The following BRINP3 variants were observed in gnomAD, a reference collection of about 807,000 sequenced individuals.
The protein encoded by BRINP3 is BMP/retinoic acid-inducible neural-specific protein 3.
BRINP3 carries 19 observed loss-of-function variants against 71.0 expected under a neutral mutation model. That is an observed-to-expected ratio of 0.27 (90% CI 0.19 to 0.39). BRINP3 has a LOEUF of 0.39. Among genes scored for constraint, BRINP3 ranks in the 10% least tolerant of loss-of-function variants. BRINP3 has a pLI of 1.00. For synonymous variants in BRINP3, 380 were observed against 337.7 expected (o/e 1.13, Z -1.37); for missense variants, 959 against 940.8 (o/e 1.02, Z -0.25).
chr1:190,322,335 A>G (rs1666299156), intron 2 of BRINP3, among the ~76,000 whole-genome samples: 1 of 152,078 alleles, frequency 6.6e-6, no homozygotes, highest in Non-Finnish European at 1.5e-5. Flanking sequence ...CAAAAATATT[A>G]CAAGGCCTGA....
intron 7 of BRINP3, among the ~76,000 whole-genome samples, chr1:190,129,004 G>A (rs1654312858): frequency 6.6e-6 from 1 of 151,646 alleles, no homozygotes; most frequent in African/African-American, 2.4e-5. Flanking sequence ...ATACTTGAAA[G>A]TTCTGATTTG....
intron 4 of BRINP3, among the ~76,000 whole-genome samples, chr1:190,242,915 T>C (rs2102777283): frequency 6.6e-6 from 1 of 152,078 alleles, no homozygotes; most frequent in South Asian, 2.1e-4. Context: ...TCTTGAAGAG[T>C]AATTGCTTCA....
chr1:190,175,668 A>G (rs1045693318), intron 6 of BRINP3, among the ~76,000 whole-genome samples: 1 of 152,206 alleles, frequency 6.6e-6, no homozygotes, highest in Non-Finnish European at 1.5e-5. Context: ...AGAATTAATT[A>G]CTATATAGGT....
chr1:190,246,475 T>C (rs1181995501), intron 4 of BRINP3, among the ~76,000 whole-genome samples: 1 of 151,942 alleles, frequency 6.6e-6, no homozygotes, highest in African/African-American at 2.4e-5. Flanking sequence ...CAGGTGATTG[T>C]TAGCTCACTT....
At chr1:190,440,861 C>T (rs1674769825) in intron 2 of BRINP3, among the ~76,000 whole-genome samples, 1 of 151,874 alleles carries the variant, frequency 6.6e-6, no homozygotes, top group African/African-American at 2.4e-5. Flanking sequence ...CCTAAGTAAA[C>T]ATTTGCAAAG....
chr1:190,427,487 T>G (rs979882110), intron 2 of BRINP3, among the ~76,000 whole-genome samples: 1 of 152,020 alleles, frequency 6.6e-6, no homozygotes, highest in African/African-American at 2.4e-5. Context: ...TAAATCACAT[T>G]TCTGAAACAA....
chr1:190,466,543 T>G (rs1037756902), intron 1 of BRINP3, among the ~76,000 whole-genome samples: 1 of 151,814 alleles, frequency 6.6e-6, no homozygotes, highest in African/African-American at 2.4e-5. Context: ...TTTCAGAATT[T>G]CAAAATAATA....
At chr1:190,173,951 C>G (rs556890392) in intron 6 of BRINP3, among the ~76,000 whole-genome samples, 1 of 152,224 alleles carries the variant, frequency 6.6e-6, no homozygotes, top group East Asian at 1.9e-4. Context: ...GTCCTCTGTA[C>G]ACTTGTTAGA....
intron 7 of BRINP3, among the ~76,000 whole-genome samples, chr1:190,131,447 T>A (rs1654538280): frequency 6.6e-6 from 1 of 151,998 alleles, no homozygotes; most frequent in Non-Finnish European, 1.5e-5. Flanking sequence ...CAATGTAGAT[T>A]CCAGGTTAGA....
At chr1:190,101,346 C>T (rs1041106610) in intron 7 of BRINP3, among the ~76,000 whole-genome samples, 1 of 152,156 alleles carries the variant, frequency 6.6e-6, no homozygotes, top group Non-Finnish European at 1.5e-5. Flanking sequence ...CTCTGCTACT[C>T]TTGCTGTGGT....
chr1:190,169,974 TG>T, intron 6 of BRINP3, among the ~76,000 whole-genome samples: 1 of 152,152 alleles, frequency 6.6e-6, no homozygotes, highest in African/African-American at 2.4e-5. Flanking sequence ...TTCAGCAAGC[TG>T]TTCAAAGTGA....
intron 6 of BRINP3, among the ~76,000 whole-genome samples, chr1:190,215,390 T>G (rs1244891344): frequency 1.3e-5 from 2 of 151,928 alleles, no homozygotes; most frequent in East Asian, 3.9e-4. Flanking sequence ...CAGCAGATTT[T>G]ATTAAAGATT....
intron 1 of BRINP3, among the ~76,000 whole-genome samples, chr1:190,473,411 G>A (rs573116202): frequency 6.6e-6 from 1 of 151,674 alleles, no homozygotes; most frequent in Admixed American, 6.6e-5. Flanking sequence ...ATTGATCAGG[G>A]ATCTACATCA....
At chr1:190,236,611 T>C (rs1018237331) in intron 4 of BRINP3, among the ~76,000 whole-genome samples, 2 of 151,948 alleles carry the variant, frequency 1.3e-5, no homozygotes, top group Non-Finnish European at 2.9e-5. Flanking sequence ...ACTTTTTCCT[T>C]AACACCCCAA....
chr1:190,372,770 T>C (rs1669945213), intron 2 of BRINP3, among the ~76,000 whole-genome samples: 1 of 152,210 alleles, frequency 6.6e-6, no homozygotes, highest in Non-Finnish European at 1.5e-5. Context: ...CAGATAATAG[T>C]AAAACAATTT....
chr1:190,476,190 A>G (rs1471281127), intron 1 of BRINP3, among the ~76,000 whole-genome samples: 1 of 151,754 alleles, frequency 6.6e-6, no homozygotes, highest in Admixed American at 6.6e-5. Context: ...ATTTAAAAAA[A>G]CATTGCTTGG....
At chr1:190,102,994 G>T (rs971184598) in intron 7 of BRINP3, among the ~76,000 whole-genome samples, 6 of 151,834 alleles carry the variant, frequency 4.0e-5, no homozygotes, top group Non-Finnish European at 8.8e-5. Flanking sequence ...GTTTCTTCTA[G>T]TCATCTTTGT....
At chr1:190,233,502 G>A (rs1473305813) in intron 5 of BRINP3, among the ~76,000 whole-genome samples, 1 of 152,064 alleles carries the variant, frequency 6.6e-6, no homozygotes, top group African/African-American at 2.4e-5. Context: ...TTTCAAGATT[G>A]CAAAGTTAAG....
intron 2 of BRINP3, among the ~76,000 whole-genome samples, chr1:190,304,353 C>G (rs1007829569): frequency 6.6e-6 from 1 of 151,670 alleles, no homozygotes; most frequent in African/African-American, 2.4e-5. Flanking sequence ...TTATCCTTCA[C>G]AAATCATCAC....
Sources: gnomAD v4.1 joint callset for allele counts (sites outside exome capture counted in the v4.1 genomes callset) on GRCh38, gnomAD v4.1.1 for gene constraint, MANE v1.5 for transcripts, NCBI Gene and HGNC (gene_info 2026-07-23, HGNC 2026-07-21) for gene names.